The following GPR158 variants were observed in gnomAD, a reference collection of about 807,000 sequenced individuals.
The protein encoded by GPR158 is metabotropic glycine receptor.
In GPR158, 30 loss-of-function variants were observed where a neutral mutation model predicts 78.2. The observed-to-expected ratio is 0.38, with a 90% CI of 0.29 to 0.52. The LOEUF is 0.52. GPR158 is among the 20% of genes least tolerant of loss of function. The pLI is 0.83. For synonymous variants in GPR158, 581 were observed against 591.1 expected, an observed-to-expected ratio of 0.98 and a Z score of 0.25; for missense variants, 1,463 against 1,523.5, an observed-to-expected ratio of 0.96 and a Z score of 0.66.
At chr10:25,430,907 C>T (rs1173839131) in intron 4 of GPR158, among the ~76,000 whole-genome samples, 5 of 151,136 alleles carry the variant, frequency 3.3e-5, no homozygotes, top group African/African-American at 4.9e-5. Context: ...ACCATAAAAA[C>T]CCTAGAAGAA....
In GPR158 at chr10:25,221,145, C is replaced by G. The variant is rs1853293966; in HGVS notation, c.996C>G (p.Leu332=). Residue 332 remains leucine (L), a synonymous_variant, in exon 2 of 11, where the codon CTC becomes CTG. Coordinates refer to ENST00000376351, the MANE Select transcript of GPR158 (RefSeq NM_020752.3). ...GWFSGTHKCH[L]NNSECMPIKG... is the part of the protein sequence containing the mutation. The stretch of plus-strand genomic sequence containing the variant: ...TTTCAGGAACTCATAAATGCCACCT[C>G]AACAATTCAGAGGTAAGAAGATGAA... 1.3e-6 allele frequency: 2 copies of G among 1,524,024 alleles called. No individual in the cohort carries two copies. The highest frequency in any genetic ancestry group is 1.4e-5 in the African/African-American group (1 of 73,096). The allele number at this position is 1,524,024 out of a possible 1,614,324, so 94.4% of individuals were successfully genotyped here.
At chr10:25,204,233 A>G (rs544622832) in intron 1 of GPR158, among the ~76,000 whole-genome samples, 2 of 152,292 alleles carry the variant, frequency 1.3e-5, no homozygotes, top group East Asian at 3.9e-4. Flanking sequence ...TTCCTAATTG[A>G]ATACCCTTTA....
intron 7 of GPR158, among the ~76,000 whole-genome samples, chr10:25,578,378 A>G (rs1336255283): frequency 6.6e-5 from 10 of 152,252 alleles, no homozygotes; most frequent in African/African-American, 2.2e-4. Flanking sequence ...TTCTGTTGTC[A>G]GACTTAGACC....
At chr10:25,419,499 T>C (rs1454750990) in intron 4 of GPR158, among the ~76,000 whole-genome samples, 1 of 152,238 alleles carries the variant, frequency 6.6e-6, no homozygotes, top group African/African-American at 2.4e-5. Flanking sequence ...TTAAATTCTT[T>C]TGCTATATAC....
At chr10:25,363,707 C>G (rs905924545) in intron 2 of GPR158, among the ~76,000 whole-genome samples, 2 of 151,626 alleles carry the variant, frequency 1.3e-5, no homozygotes, top group African/African-American at 4.8e-5. Context: ...TGGTTGAATC[C>G]TGGATCCTGC....
intron 2 of GPR158, among the ~76,000 whole-genome samples, chr10:25,282,025 G>GT (rs1175055162): frequency 3.3e-5 from 5 of 152,088 alleles, no homozygotes; most frequent in African/African-American, 9.7e-5. Context: ...ATACCTATTA[G>GT]TTTTGATGAA....
At chr10:25,253,945 G>C (rs113387239) in intron 2 of GPR158, among the ~76,000 whole-genome samples, 57 of 152,212 alleles carry the variant, frequency 3.7e-4, no homozygotes, top group African/African-American at 1.3e-3. Flanking sequence ...TTCTATTCTT[G>C]GTATTTCAAA....
At chr10:25,339,346 A>G (rs771410953) in intron 2 of GPR158, among the ~76,000 whole-genome samples, 33 of 151,888 alleles carry the variant, frequency 2.2e-4, no homozygotes, top group Non-Finnish European at 4.1e-4. Context: ...TTAATTTTCT[A>G]CCTGCTTGTT....
At chr10:25,240,209 CA>C (rs1246850251) in intron 2 of GPR158, among the ~76,000 whole-genome samples, 68 of 152,074 alleles carry the variant, frequency 4.5e-4, no homozygotes, top group Admixed American at 3.5e-3. Flanking sequence ...TCTGAAAGTT[CA>C]GAAAGAGATC....
At chr10:25,305,638 A>C (rs1350915867) in intron 2 of GPR158, among the ~76,000 whole-genome samples, 1 of 152,168 alleles carries the variant, frequency 6.6e-6, no homozygotes, top group African/African-American at 2.4e-5. Flanking sequence ...GTCCTCTGGC[A>C]GTCGAGGACT....
chr10:25,430,432 C>T (rs575453170), intron 4 of GPR158, among the ~76,000 whole-genome samples: 14 of 150,578 alleles, frequency 9.3e-5, no homozygotes, highest in African/African-American at 3.4e-4. Flanking sequence ...AATGGCCATA[C>T]TTCCCAAGGT....
chr10:25,592,871 T>C (rs372224703), intron 8 of GPR158, among the ~76,000 whole-genome samples: 3 of 149,966 alleles, frequency 2.0e-5, no homozygotes, highest in East Asian at 1.9e-4. Flanking sequence ...AGACTGTTAC[T>C]TGTTACTGAG....
chr10:25,201,937 T>TTG (rs1564389926), intron 1 of GPR158, among the ~76,000 whole-genome samples: 2 of 152,112 alleles, frequency 1.3e-5, no homozygotes, highest in African/African-American at 4.8e-5. Flanking sequence ...GAAGATTTTT[T>TTG]TGTGTGTGCC....
intron 5 of GPR158, among the ~76,000 whole-genome samples, chr10:25,521,529 A>C (rs1456079167): frequency 6.6e-6 from 1 of 152,118 alleles, no homozygotes; most frequent in Non-Finnish European, 1.5e-5. Context: ...TTTTTCTGGC[A>C]ACTTAGAGAT....
Position 25,367,855 on chromosome 10 carries a change from C to A in GPR158, c.1009-28056C>A, listed in dbSNP as rs545148935. Among the ~76,000 whole-genome samples, 16 of 151,568 alleles carry A rather than the reference C, an allele frequency of 1.1e-4. 1 individual carries two copies. In the South Asian group the frequency reaches 2.9e-3, roughly 28 times the overall value. On this transcript the variant is annotated intron_variant, in intron 2 of 10. Transcript: ENST00000376351. ...TTAATATAGTTGCACAAACTCTCTT[C>A]TGTATATGTTTGCAGGGAATGCTCT...
Position 25,175,796 on chromosome 10 carries a change from C to T in GPR158, c.376C>T (p.Leu126=). 6.2e-7 allele frequency: 1 copy of T among 1,611,748 alleles called. No homozygotes were observed. The highest frequency in any genetic ancestry group is 1.1e-5 in the South Asian group (1 of 91,090). ...ASAHPSLHRA[L]DTLTHATNFL... ...CGCGCACCCCTCCTTGCACCGGGCGCTGGACACACTGACACACGCCACCAA... is the reference window on the plus strand; with the variant it reads ...CGCGCACCCCTCCTTGCACCGGGCGTTGGACACACTGACACACGCCACCAA... The change falls in exon 1 of 11, where the codon CTG becomes TTG. Residue 126 remains leucine, a synonymous_variant. Coordinates refer to ENST00000376351, the MANE Select transcript of GPR158 (RefSeq NM_020752.3). The surrounding 1 kb of genome is among the most constrained non-coding windows in gnomAD (Gnocchi z 6.4).
At chr10:25,328,048 G>A (rs1855061966) in intron 2 of GPR158, among the ~76,000 whole-genome samples, 1 of 152,162 alleles carries the variant, frequency 6.6e-6, no homozygotes, top group Non-Finnish European at 1.5e-5. Flanking sequence ...TATAACTATA[G>A]ATAATGCTAA....
rs1333274169 is a variant in GPR158, at chr10:25,424,420, G to A, written c.1335+11947G>A. Among the ~76,000 whole-genome samples the A allele has an allele frequency of 3.3e-5, 5 of 152,042 alleles. No homozygotes were observed. In the South Asian group the frequency reaches 8.3e-4, roughly 25 times the overall value. ...CCATTTGTCAATTTTGGCTTTTGTT[G>A]CCATTGCTTTTGGTGTTTTAGACAT... On this transcript the variant is annotated intron_variant, in intron 4 of 10. Coordinates refer to ENST00000376351, the MANE Select transcript of GPR158 (RefSeq NM_020752.3).
chr10:25,311,126 T>C (rs1216715482), intron 2 of GPR158, among the ~76,000 whole-genome samples: 1 of 152,006 alleles, frequency 6.6e-6, no homozygotes, highest in East Asian at 1.9e-4. Flanking sequence ...TTGGGCTAAT[T>C]CCCTACTAGT....
Sources: gnomAD v4.1 joint callset for allele counts (sites outside exome capture counted in the v4.1 genomes callset) on GRCh38, gnomAD v4.1.1 for gene constraint, Gnocchi (gnomAD v3.1) non-coding constraint, MANE v1.5 for transcripts, NCBI Gene and HGNC (gene_info 2026-07-23, HGNC 2026-07-21) for gene names.